RBX1: variants seen among roughly 807,000 people sequenced by gnomAD.
RBX1 encodes the protein ring-box 1, also known as E3 ubiquitin-protein ligase RBX1.
For missense variants in RBX1, 46 were observed against 141.4 expected, an observed-to-expected ratio of 0.33 and a Z score of 3.42; for synonymous variants, 48 against 47.9, an observed-to-expected ratio of 1.00 and a Z score of -0.01.
chr22:40,952,983 C>CTTTTTTTTTT (rs34618218), intron 1 of RBX1, among the ~76,000 whole-genome samples: 6 of 86,900 alleles, frequency 6.9e-5, no homozygotes, highest in African/African-American at 7.7e-5. Flanking sequence ...AGTTTGTGCC[C>CTTTTTTTTTT]TTTTTTTTTT....
At chr22:40,958,647 G>T (rs1291496702) in intron 2 of RBX1, among the ~76,000 whole-genome samples, 3 of 152,116 alleles carry the variant, frequency 2.0e-5, no homozygotes, top group Non-Finnish European at 2.9e-5. Flanking sequence ...AATCAAATAT[G>T]TGAGGTTTTA....
chr22:40,969,592 A>G (rs2058363090), intron 4 of RBX1, among the ~76,000 whole-genome samples: 1 of 152,092 alleles, frequency 6.6e-6, no homozygotes, highest in Non-Finnish European at 1.5e-5. Context: ...CTACCAAAAA[A>G]TAGTAAATTA....
intron 2 of RBX1, among the ~76,000 whole-genome samples, chr22:40,956,618 T>C (rs2058326201): frequency 2.0e-5 from 3 of 151,830 alleles, no homozygotes; most frequent in African/African-American, 7.3e-5. Flanking sequence ...CTCAAACCGC[T>C]GGGATTACAG....
rs1261036561 is a variant in RBX1, at chr22:40,972,997, C to G, written c.*509C>G. On this transcript the variant is annotated 3_prime_UTR_variant, in exon 5 of 5. Transcript: ENST00000216225. ...CTGATGGCAATCTTGGCCAAGTTGT[C>G]TCTCTACTCTGAACTTTCCTCCTCT... 1 of 158,200 alleles carries G rather than the reference C, an allele frequency of 6.3e-6. No homozygotes were observed. Among genetic ancestry groups the G allele is most frequent in the Non-Finnish European group, 1.4e-5 (1 of 71,536 alleles). The allele number at this position is 158,200 out of a possible 1,614,324, so 9.8% of individuals were successfully genotyped here. A position where few individuals can be genotyped will look rare whatever the true frequency, so the allele number is the denominator to read the frequency against.
In RBX1 at chr22:40,962,642, C is replaced by T. The variant is rs1246870909; in HGVS notation, c.158-1405C>T. Among the ~76,000 whole-genome samples, 4 of 150,634 alleles carry T rather than the reference C, an allele frequency of 2.7e-5. No homozygotes were observed. In the East Asian group the frequency reaches 7.7e-4, roughly 29 times the overall value. ...TCCTGAATAGCTGGGACTACAGGCG[C>T]CCACCACCACACACACCTGGCTAAT... is the stretch of plus-strand genomic sequence containing the variant. On this transcript the variant is annotated intron_variant, in intron 2 of 4. Transcript: ENST00000216225.
intron 3 of RBX1, among the ~76,000 whole-genome samples, chr22:40,964,738 T>C (rs1427891694): frequency 6.6e-6 from 1 of 152,186 alleles, no homozygotes; most frequent in Non-Finnish European, 1.5e-5. Context: ...AAAATTGTCT[T>C]GTCAGGGCCT....
At chr22:40,951,845 G>T (rs1355235922) in intron 1 of RBX1, among the ~76,000 whole-genome samples, 1 of 152,078 alleles carries the variant, frequency 6.6e-6, no homozygotes, top group African/African-American at 2.4e-5. Context: ...AAGCGAATGC[G>T]GCGGTGGAGG....
chr22:40,951,514 G>A, intron 1 of RBX1, 38 bp downstream of exon 1: 1 of 1,597,884 alleles, frequency 6.3e-7, no homozygotes, highest in Non-Finnish European at 8.6e-7. Flanking sequence ...GGAAGCTAGA[G>A]AGGCGCGGAT....
chr22:40,969,088 C>T (rs1045096167), intron 4 of RBX1, among the ~76,000 whole-genome samples: 3 of 151,770 alleles, frequency 2.0e-5, no homozygotes, highest in East Asian at 1.9e-4. Flanking sequence ...CCGAGGCAGG[C>T]GGATCACCTG....
chr22:40,955,094 C>T (rs2058321691), intron 2 of RBX1, among the ~76,000 whole-genome samples: 1 of 152,050 alleles, frequency 6.6e-6, no homozygotes, highest in African/African-American at 2.4e-5. Flanking sequence ...GCCTGCTTTT[C>T]CATTCTTAAG....
At chr22:40,960,396 G>A (rs556549432) in intron 2 of RBX1, among the ~76,000 whole-genome samples, 1 of 152,230 alleles carries the variant, frequency 6.6e-6, no homozygotes, top group East Asian at 1.9e-4. Flanking sequence ...GCTGGGTCTT[G>A]AAGGGTGGGG....
At chr22:40,971,523 G>A (rs888134785) in intron 4 of RBX1, among the ~76,000 whole-genome samples, 7 of 152,016 alleles carry the variant, frequency 4.6e-5, no homozygotes, top group African/African-American at 1.7e-4. Context: ...CTGTTTATAT[G>A]TGGAAGAAAT....
At chr22:40,951,984 CACTT>C (rs2058312356) in intron 1 of RBX1, among the ~76,000 whole-genome samples, 1 of 152,156 alleles carries the variant, frequency 6.6e-6, no homozygotes, top group African/African-American at 2.4e-5. Context: ...GGGGTCCTCT[CACTT>C]GGAGGGATCC....
intron 4 of RBX1, among the ~76,000 whole-genome samples, chr22:40,970,600 T>TA (rs1251110974): frequency 1.3e-5 from 2 of 152,210 alleles, no homozygotes; most frequent in Non-Finnish European, 2.9e-5. Flanking sequence ...TTATATCTCT[T>TA]ACGCTTTTCT....
chr22:40,953,738 C>A, intron 2 of RBX1, 105 bp downstream of exon 2: 1 of 753,770 alleles, frequency 1.3e-6, no homozygotes, highest in Non-Finnish European at 2.4e-6. Context: ...AGCAAGCCTA[C>A]TCTGAGCACT....
intron 3 of RBX1, among the ~76,000 whole-genome samples, chr22:40,965,025 C>A (rs1225549416): frequency 6.6e-6 from 1 of 152,198 alleles, no homozygotes; most frequent in Non-Finnish European, 1.5e-5. Context: ...TCTAAATAGG[C>A]CGGACGCGGT....
At chr22:40,963,582 G>A (rs1393522576) in intron 2 of RBX1, among the ~76,000 whole-genome samples, 1 of 152,146 alleles carries the variant, frequency 6.6e-6, no homozygotes, top group African/African-American at 2.4e-5. Flanking sequence ...GTTGCAGTGA[G>A]CCAAGATTGT....
intron 2 of RBX1, among the ~76,000 whole-genome samples, chr22:40,958,021 T>G (rs2146298509): frequency 6.6e-6 from 1 of 152,254 alleles, no homozygotes; most frequent in Middle Eastern, 3.4e-3. Flanking sequence ...AAATGGGGTT[T>G]CACTATGTTG....
At chr22:40,954,495 T>C (rs2058319832) in intron 2 of RBX1, among the ~76,000 whole-genome samples, 1 of 152,158 alleles carries the variant, frequency 6.6e-6, no homozygotes, top group Non-Finnish European at 1.5e-5. Flanking sequence ...ATTATAGTCT[T>C]TGATGAACTG....
Sources: allele counts gnomAD v4.1 joint callset (sites outside exome capture counted in the v4.1 genomes callset), GRCh38; gene constraint gnomAD v4.1.1; transcripts MANE v1.5; gene names NCBI Gene and HGNC (gene_info 2026-07-23, HGNC 2026-07-21).